The following RANBP1 variants were observed in gnomAD, a reference collection of about 807,000 sequenced individuals.
RANBP1 encodes the protein RAN binding protein 1, also known as ran-specific GTPase-activating protein.
RANBP1 carries 16 observed loss-of-function variants against 31.4 expected under a neutral mutation model. The observed-to-expected ratio is 0.51, with a 90% CI of 0.34 to 0.77. The LOEUF is 0.77. Ranked by LOEUF, RANBP1 falls within the 30% of genes least tolerant of loss-of-function variation. The pLI is 0.01. For missense variants in RANBP1, 265 were observed against 362.0 expected (o/e 0.73, Z 2.17); for synonymous variants, 129 against 140.5 (o/e 0.92, Z 0.58).
In RANBP1 at chr22:20,126,300, C is replaced by T; in HGVS notation, c.671-3C>T. 6.2e-7 allele frequency: 1 copy of T among 1,612,672 alleles called. No individual in the cohort carries two copies. The highest frequency in any genetic ancestry group is 1.3e-5 in the African/African-American group (1 of 75,006). ...TAGGAAGTCTTCGCTCTCCCTTCCA[C>T]AGATGCACAGAAATTCAAAACAAAG... On this transcript the variant is annotated splice_region_variant and splice_polypyrimidine_tract_variant and intron_variant, in intron 4 of 5. Transcript: ENST00000430524.
intron 3 of RANBP1, among the ~76,000 whole-genome samples, chr22:20,123,954 A>C (rs540044608): frequency 1.3e-5 from 2 of 151,944 alleles, no homozygotes; most frequent in South Asian, 4.2e-4. Flanking sequence ...CAGGAGCCTG[A>C]GTGGCTCAGC....
Position 20,126,931 on chromosome 22 carries a change from CTG to C in RANBP1, c.737-18_737-17del. ...AATGCACCGTGCTTCTGTTTTCTCA[CTG>C]TGCTGCTTGTGTTTTTAGCAGGATC... On this transcript the variant is annotated intron_variant, in intron 5 of 5. Coordinates refer to ENST00000430524, the MANE Select transcript of RANBP1 (RefSeq NM_001278639.2). 3.1e-6 allele frequency: 5 copies of C among 1,609,600 alleles called. No homozygotes were observed. The highest frequency in any genetic ancestry group is 4.2e-6 in the Non-Finnish European group (5 of 1,177,968).
In RANBP1 at chr22:20,122,250, G is replaced by T; in HGVS notation, c.384-14G>T. The T allele has an allele frequency of 1.2e-6, 2 of 1,611,736 alleles. No homozygotes were observed. The highest frequency in any genetic ancestry group is 1.7e-6 in the Non-Finnish European group (2 of 1,178,726). On this transcript the variant is annotated splice_polypyrimidine_tract_variant and intron_variant, in intron 2 of 5. Transcript: ENST00000430524. ...TGCAGGTCTGCACTCTTAACCTCACGGCTTTTCTTGCAGGCGGGCAAAACT... is the reference window on the plus strand; with the variant it reads ...TGCAGGTCTGCACTCTTAACCTCACTGCTTTTCTTGCAGGCGGGCAAAACT...
chr22:20,122,211 C>A, intron 2 of RANBP1, 53 bp from the exon 3 acceptor site: 1 of 1,585,390 alleles, frequency 6.3e-7, no homozygotes, highest in Non-Finnish European at 8.6e-7. Flanking sequence ...CCTGCGCAGG[C>A]CCTGCATGTG....
intron 1 of RANBP1, chr22:20,118,084 CGCCACTG>C: frequency 1.0e-6 from 1 of 999,038 alleles, no homozygotes; most frequent in Non-Finnish European, 1.2e-6. Flanking sequence ...CGTCTGGAAC[CGCCACTG>C]GCCTCTGTGG....
At chr22:20,124,775 T>G (rs1188618825) in intron 3 of RANBP1, 1 of 160,846 alleles carries the variant, frequency 6.2e-6, no homozygotes, top group African/African-American at 2.4e-5. Context: ...TTTCTAGCCT[T>G]CTGCTGCCCC....
At chr22:20,118,571 T>C (rs1418232478) in intron 1 of RANBP1, among the ~76,000 whole-genome samples, 1 of 152,252 alleles carries the variant, frequency 6.6e-6, no homozygotes, top group Non-Finnish European at 1.5e-5. Context: ...TACATTTTGC[T>C]TTAAAGTAAT....
intron 1 of RANBP1, 84 bp downstream of exon 1, chr22:20,116,514 C>T (rs2050025849): frequency 6.2e-7 from 1 of 1,612,358 alleles, no homozygotes; most frequent in South Asian, 1.1e-5. Flanking sequence ...CTTTCTCCAC[C>T]TCCTCCAGGG....
At chr22:20,117,586 C>T in intron 1 of RANBP1, 4 of 1,399,532 alleles carry the variant, frequency 2.9e-6, no homozygotes, top group Middle Eastern at 2.6e-4. Flanking sequence ...TACGAGTAGC[C>T]GCCGAGAGGC....
intron 5 of RANBP1, chr22:20,126,673 G>A: frequency 6.6e-7 from 1 of 1,509,082 alleles, no homozygotes; most frequent in Non-Finnish European, 8.9e-7. Flanking sequence ...GGTCACCTCT[G>A]CCATGAGGCT....
At chr22:20,126,615 A>T in intron 5 of RANBP1, 1 of 1,527,576 alleles carries the variant, frequency 6.5e-7, no homozygotes, top group Middle Eastern at 1.7e-4. Flanking sequence ...CCTGGAGCTC[A>T]CCAGAAGGTG....
At chr22:20,124,272 G>T (rs2050249476) in intron 3 of RANBP1, 1 of 152,408 alleles carries the variant, frequency 6.6e-6, no homozygotes, top group African/African-American at 2.4e-5. Context: ...AGCCATCTGT[G>T]TAGCCAGCAG....
intron 1 of RANBP1, chr22:20,117,019 A>G (rs2050047950): frequency 7.2e-7 from 1 of 1,382,162 alleles, no homozygotes; most frequent in African/African-American, 1.4e-5. Context: ...CTCAGAGGGG[A>G]GGTGCTCACA....
chr22:20,126,682 C>T, intron 5 of RANBP1: 1 of 1,504,484 alleles, frequency 6.6e-7, no homozygotes, highest in South Asian at 1.2e-5. Context: ...TGCCATGAGG[C>T]TGGACTGCAG....
At position 20,122,565 on chromosome 22, in the gene RANBP1, A is replaced by C. The variant is rs768593035; in HGVS notation, c.541+144A>C. The C allele has an allele frequency of 1.1e-5, 17 of 1,550,626 alleles. No individual in the cohort carries two copies. The Admixed American group carries it at 3.1e-4, about 29-fold the overall frequency. ...GTGTGTTTGTTGAATTTAAAACCAG[A>C]AATACGTTTTTCAGACGTGCCTCTG... On this transcript the variant is annotated intron_variant, in intron 3 of 5. Transcript: ENST00000430524.
At chr22:20,121,917 G>C (rs948535275) in intron 2 of RANBP1, among the ~76,000 whole-genome samples, 1 of 150,218 alleles carries the variant, frequency 6.7e-6, no homozygotes, top group African/African-American at 2.5e-5. Flanking sequence ...TTTTGTATTT[G>C]TAGTAGAGAT....
intron 5 of RANBP1, chr22:20,126,695 G>A: frequency 6.7e-7 from 1 of 1,496,558 alleles, no homozygotes; most frequent in Non-Finnish European, 9.0e-7. Flanking sequence ...GACTGCAGCT[G>A]TGGTGGCAAG....
At chr22:20,120,531 G>T (rs1415549184) in intron 2 of RANBP1, among the ~76,000 whole-genome samples, 1 of 152,226 alleles carries the variant, frequency 6.6e-6, no homozygotes, top group Admixed American at 6.5e-5. Flanking sequence ...TCTCTTGCCA[G>T]AATCATGTTG....
intron 5 of RANBP1, 115 bp from the exon 6 acceptor site, chr22:20,126,837 C>A: frequency 7.1e-7 from 1 of 1,413,022 alleles, no homozygotes; most frequent in Non-Finnish European, 9.8e-7. Flanking sequence ...GAGTCTGTCC[C>A]GAGGGCGGGC....
Sources: allele counts gnomAD v4.1 joint callset (sites outside exome capture counted in the v4.1 genomes callset), GRCh38; gene constraint gnomAD v4.1.1; transcripts MANE v1.5; gene names NCBI Gene and HGNC (gene_info 2026-07-23, HGNC 2026-07-21).